AGPAT4: variants seen among roughly 807,000 people sequenced by gnomAD.
The protein encoded by AGPAT4 is 1-acyl-sn-glycerol-3-phosphate acyltransferase delta.
In AGPAT4, 15 loss-of-function variants were observed where a neutral mutation model predicts 48.0. That is an observed-to-expected ratio of 0.31 (90% CI 0.21 to 0.48). The LOEUF (loss-of-function observed/expected upper bound fraction) is 0.48. Among genes scored for constraint, AGPAT4 ranks in the 20% least tolerant of loss-of-function variants. The probability of loss-of-function intolerance (pLI) is 0.99; values close to 1 mark genes in which losing one functional copy is unlikely to be tolerated. For missense variants in AGPAT4, 314 were observed against 482.5 expected (o/e 0.65, Z 3.27); for synonymous variants, 178 against 198.7 (o/e 0.90, Z 0.88).
intron 1 of AGPAT4, 137 bp downstream of exon 1, chr6:161,273,801 C>G (rs982536797): frequency 2.0e-5 from 3 of 150,260 alleles, no homozygotes; most frequent in African/African-American, 7.4e-5. Context: ...CACTCCCCCC[C>G]CGCCCCCGGA....
rs1293663336 is a variant in AGPAT4, at chr6:161,235,924, C to T, written c.-89-3622G>A. On this transcript the variant is annotated intron_variant, in intron 1 of 8. Transcript: ENST00000320285. This position sits in a 1 kb window ranked among gnomAD's most constrained non-coding sequence, Gnocchi z 6.2. Reference sequence around the variant, plus strand: ...ACTTGGGCAGGGACACAGATACAAACCATATCAGCTTCTTTCCCATCTTGA... The same window carrying T: ...ACTTGGGCAGGGACACAGATACAAATCATATCAGCTTCTTTCCCATCTTGA... Among the ~76,000 whole-genome samples, 5 of 152,200 alleles carry T rather than the reference C, an allele frequency of 3.3e-5. No homozygotes were observed. The highest frequency in any genetic ancestry group is 1.2e-4 in the African/African-American group (5 of 41,456).
In AGPAT4 at chr6:161,166,297, A is replaced by AT; in HGVS notation, c.298dup (p.Ile100AsnfsTer2). 1 of 1,614,144 alleles carries AT rather than the reference A, an allele frequency of 6.2e-7. No homozygotes were observed. The highest frequency in any genetic ancestry group is 8.5e-7 in the Non-Finnish European group (1 of 1,180,018). On this transcript the variant is annotated frameshift_variant, in exon 3 of 9. Transcript: ENST00000320285. LOFTEE classifies it high-confidence loss of function. The surrounding 1 kb of genome is among the most constrained non-coding windows in gnomAD (Gnocchi z 6.7). ...CAGGCTCCAGCCACACAGAAAGTCA[A>AT]TTTCAAACTTGTGGTTGAGAACCAC...
intron 2 of AGPAT4, among the ~76,000 whole-genome samples, chr6:161,187,484 G>A (rs1383127254): frequency 6.6e-6 from 1 of 151,922 alleles, no homozygotes; most frequent in Non-Finnish European, 1.5e-5. Flanking sequence ...ATCAGTTAAG[G>A]ATGGTATGGT....
intron 1 of AGPAT4, among the ~76,000 whole-genome samples, chr6:161,250,008 G>A (rs1052977541): frequency 6.6e-6 from 1 of 152,184 alleles, no homozygotes; most frequent in African/African-American, 2.4e-5. Context: ...GGAATATTAT[G>A]CAACTATAAA....
At position 161,189,164 on chromosome 6, in the gene AGPAT4, G is replaced by A; in HGVS notation, c.179-22747C>T. 6.6e-6 allele frequency among the ~76,000 whole-genome samples: 1 copy of A among 152,214 alleles called. No homozygotes were observed. The highest frequency in any genetic ancestry group is 1.9e-4 in the East Asian group (1 of 5,202). On this transcript the variant is annotated intron_variant, in intron 2 of 8. Coordinates refer to ENST00000320285, the MANE Select transcript of AGPAT4 (RefSeq NM_020133.3). This position sits in a 1 kb window ranked among gnomAD's most constrained non-coding sequence, Gnocchi z 5.3. Reference sequence around the variant, plus strand: ...TATCTAATCAAGCTATGAGGCTGGTGAGTGGGCATGCAACAGTGTTGCTAA... The same window carrying A: ...TATCTAATCAAGCTATGAGGCTGGTAAGTGGGCATGCAACAGTGTTGCTAA...
rs1325112987 is a variant in AGPAT4, at chr6:161,144,309, T to C, written c.843+2215A>G. On this transcript the variant is annotated intron_variant, in intron 7 of 8. Coordinates refer to ENST00000320285, the MANE Select transcript of AGPAT4 (RefSeq NM_020133.3). The surrounding 1 kb of genome is among the most constrained non-coding windows in gnomAD (Gnocchi z 6.6). Reference sequence around the variant, plus strand: ...GGGCCTGGACTCCAGCACCTGGCTTTGATCAGTGAGCTGGAAAACTGGGTA... The same window carrying C: ...GGGCCTGGACTCCAGCACCTGGCTTCGATCAGTGAGCTGGAAAACTGGGTA... The C allele has an allele frequency of 2.3e-6, 1 of 440,516 alleles. No homozygotes were observed. Among genetic ancestry groups the C allele is most frequent in the South Asian group, 1.7e-5 (1 of 60,490 alleles). 27.3% of individuals were successfully genotyped at this position (440,516 alleles called of 1,614,324 possible).
Position 161,170,471 on chromosome 6 carries a change from GCGCACACACACACACA to G in AGPAT4, c.179-4070_179-4055del, listed in dbSNP as rs1404906953. Among the ~76,000 whole-genome samples, 717 of 113,806 alleles carry G rather than the reference GCGCACACACACACACA, an allele frequency of 6.3e-3. 4 individuals carry two copies. The highest frequency in any genetic ancestry group is 0.01 in the Non-Finnish European group (550 of 52,888). The allele number at this position is 113,806 out of a possible 152,430, so 74.7% of individuals were successfully genotyped here. A position where few individuals can be genotyped will look rare whatever the true frequency, so the allele number is the denominator to read the frequency against. On this transcript the variant is annotated intron_variant, in intron 2 of 8. Transcript: ENST00000320285. ...CACATGCGCGTGCACACGTGCGCGC[GCGCACACACACACACA>G]CACACACACACACACACACATACAC...
intron 2 of AGPAT4, among the ~76,000 whole-genome samples, chr6:161,179,696 T>C (rs116344775): frequency 0.015 from 2,265 of 152,240 alleles, 52 homozygotes; most frequent in Middle Eastern, 0.078. Context: ...CTACCCAACA[T>C]GAAGACAACA....
rs990745128 is a variant in AGPAT4, at chr6:161,238,095, G to A, written c.-89-5793C>T. 2.7e-5 allele frequency among the ~76,000 whole-genome samples: 4 copies of A among 146,338 alleles called. No individual in the cohort carries two copies. The highest frequency in any genetic ancestry group is 6.9e-5 in the Admixed American group (1 of 14,410). On this transcript the variant is annotated intron_variant, in intron 1 of 8. Transcript: ENST00000320285. This position sits in a 1 kb window ranked among gnomAD's most constrained non-coding sequence, Gnocchi z 5.2. ...GGGGGTAATGGGGGGGTTGGGGGGC[G>A]GGAGGCAGAATGCAGCATAGTTGTT...
chr6:161,146,640 C>T lies in AGPAT4; in HGVS notation c.768-41G>A. ...GCAGCTAGCAGAGAGGAGGTGATGC[C>T]CCCCTACAACATACAGTTTCCAGTA... On this transcript the variant is annotated intron_variant, in intron 6 of 8. Transcript: ENST00000320285. This position sits in a 1 kb window ranked among gnomAD's most constrained non-coding sequence, Gnocchi z 7.1. The T allele has an allele frequency of 1.3e-6, 2 of 1,587,336 alleles. No individual in the cohort carries two copies. Among genetic ancestry groups the T allele is most frequent in the Non-Finnish European group, 1.7e-6 (2 of 1,156,354 alleles).
At chr6:161,160,846 G>A (rs1252964424) in intron 3 of AGPAT4, 6 of 375,452 alleles carry the variant, frequency 1.6e-5, no homozygotes, top group Admixed American at 3.2e-5. Context: ...AGATGGGAAG[G>A]CAGAGCAGAG....
chr6:161,181,680 A>G (rs1207971034), intron 2 of AGPAT4, among the ~76,000 whole-genome samples: 1 of 152,104 alleles, frequency 6.6e-6, no homozygotes, highest in Non-Finnish European at 1.5e-5. Flanking sequence ...AGATTTCAGC[A>G]CTTTCTGTGA....
In AGPAT4 at chr6:161,164,460, C is replaced by T. The variant is rs1780035924; in HGVS notation, c.348+1788G>A. Reference sequence around the variant, plus strand: ...CACGAGCCAGGAAGGTATTAGAAGCCTGGTCCTTACTGCAGCTGGTCTGGG... The same window carrying T: ...CACGAGCCAGGAAGGTATTAGAAGCTTGGTCCTTACTGCAGCTGGTCTGGG... On this transcript the variant is annotated intron_variant, in intron 3 of 8. Coordinates refer to ENST00000320285, the MANE Select transcript of AGPAT4 (RefSeq NM_020133.3). The surrounding 1 kb of genome is among the most constrained non-coding windows in gnomAD (Gnocchi z 7.4). Among the ~76,000 whole-genome samples the T allele has an allele frequency of 6.6e-6, 1 of 152,208 alleles. No homozygotes were observed. Among genetic ancestry groups the T allele is most frequent in the Admixed American group, 6.5e-5 (1 of 15,284 alleles).
intron 2 of AGPAT4, among the ~76,000 whole-genome samples, chr6:161,227,914 A>G (rs1480634960): frequency 6.6e-6 from 1 of 152,160 alleles, no homozygotes; most frequent in Admixed American, 6.5e-5. Flanking sequence ...CAAGAGGAAA[A>G]TAAAAAATTC....
chr6:161,155,188 G>A lies in AGPAT4; in HGVS notation c.349-878C>T, dbSNP rs1027119829. 2.0e-5 allele frequency among the ~76,000 whole-genome samples: 3 copies of A among 152,312 alleles called. No homozygotes were observed. The highest frequency in any genetic ancestry group is 3.9e-4 in the East Asian group (2 of 5,184). On this transcript the variant is annotated intron_variant, in intron 3 of 8. Transcript: ENST00000320285. This position sits in a 1 kb window ranked among gnomAD's most constrained non-coding sequence, Gnocchi z 5.8. ...TCGGTGTGGCCCTCCCCAGCCAGGC[G>A]TCCACTACATCAGTCCCCCTACACT... is the stretch of plus-strand genomic sequence containing the variant.
At position 161,233,790 on chromosome 6, in the gene AGPAT4, A is replaced by G. The variant is rs1395866849; in HGVS notation, c.-89-1488T>C. Among the ~76,000 whole-genome samples the G allele has an allele frequency of 2.6e-5, 4 of 152,216 alleles. No homozygotes were observed. Among genetic ancestry groups the G allele is most frequent in the Admixed American group, 2.6e-4 (4 of 15,282 alleles). ...GCCTTTTTGACCTACAGTATTTTCA[A>G]TTCGCAATGGGTTTATCGGGATGTA... On this transcript the variant is annotated intron_variant, in intron 1 of 8. Coordinates refer to ENST00000320285, the MANE Select transcript of AGPAT4 (RefSeq NM_020133.3). The surrounding 1 kb of genome is among the most constrained non-coding windows in gnomAD (Gnocchi z 5.4).
Position 161,178,878 on chromosome 6 carries a change from T to G in AGPAT4, c.179-12461A>C. Among the ~76,000 whole-genome samples, 1 of 152,228 alleles carries G rather than the reference T, an allele frequency of 6.6e-6. No individual in the cohort carries two copies. Among genetic ancestry groups the G allele is most frequent in the Non-Finnish European group, 1.5e-5 (1 of 68,036 alleles). On this transcript the variant is annotated intron_variant, in intron 2 of 8. Coordinates refer to ENST00000320285, the MANE Select transcript of AGPAT4 (RefSeq NM_020133.3). The surrounding 1 kb of genome is among the most constrained non-coding windows in gnomAD (Gnocchi z 5.1). ...GCCATCTCTCTACAAAGCAGTCACA[T>G]TCGGATTCTGCTCTTGCAGCCACAT... is the stretch of plus-strand genomic sequence containing the variant.
intron 1 of AGPAT4, among the ~76,000 whole-genome samples, chr6:161,248,143 C>T (rs928107210): frequency 9.2e-5 from 14 of 152,034 alleles, no homozygotes; most frequent in African/African-American, 3.4e-4. Flanking sequence ...AAAAGCTCCT[C>T]AAGCTGATAA....
At chr6:161,187,638 C>T (rs970750853) in intron 2 of AGPAT4, among the ~76,000 whole-genome samples, 14 of 151,908 alleles carry the variant, frequency 9.2e-5, no homozygotes, top group South Asian at 4.2e-4. Flanking sequence ...CTACCTCTCG[C>T]GTTCAAATTC....
Sources: allele counts gnomAD v4.1 joint callset (sites outside exome capture counted in the v4.1 genomes callset), GRCh38; gene constraint gnomAD v4.1.1; non-coding constraint Gnocchi (gnomAD v3.1); transcripts MANE v1.5; gene names NCBI Gene and HGNC (gene_info 2026-07-23, HGNC 2026-07-21).